Variants in PLEKHG1 observed in about 807,000 individuals in gnomAD.
PLEKHG1 encodes the protein pleckstrin homology and RhoGEF domain containing G1, also known as pleckstrin homology domain-containing family G member 1.
A neutral mutation model predicts 100.8 loss-of-function variants in PLEKHG1; 44 were observed. The ratio of observed to expected loss-of-function variants is 0.44; its 90% CI spans 0.34 to 0.56. The LOEUF (loss-of-function observed/expected upper bound fraction) is 0.56, where lower values mean the gene tolerates loss of function less well. PLEKHG1 is among the 20% of genes least tolerant of loss of function. PLEKHG1 has a pLI of 0.01. For missense variants in PLEKHG1, 1,545 were observed against 1,720.9 expected (o/e 0.90, Z 1.81); for synonymous variants, 640 against 662.5 (o/e 0.97, Z 0.52).
At chr6:150,821,760 C>T (rs1383034194) in intron 13 of PLEKHG1, among the ~76,000 whole-genome samples, 1 of 151,508 alleles carries the variant, frequency 6.6e-6, no homozygotes, top group Non-Finnish European at 1.5e-5. Flanking sequence ...ATTTGACAGG[C>T]ATAAAAAGAT....
rs765440210 is a variant in PLEKHG1, at chr6:150,644,229, T to C, written c.-158+6104T>C. ...TTATAGCCAAAGAATTATATGTGCC[T>C]ATAGCATGCCAGAACCAGAATTTGG... On this transcript the variant is annotated intron_variant, in intron 2 of 3. Transcript: ENST00000367326. 1.8e-4 allele frequency among the ~76,000 whole-genome samples: 27 copies of C among 151,956 alleles called. 1 individual carries two copies. Among genetic ancestry groups the C allele is most frequent in the South Asian group, 8.3e-4 (4 of 4,822 alleles).
At chr6:150,747,794 G>A (rs974853223) in intron 2 of PLEKHG1, among the ~76,000 whole-genome samples, 1 of 152,042 alleles carries the variant, frequency 6.6e-6, no homozygotes, top group Admixed American at 6.5e-5. Flanking sequence ...TACTCGGGAG[G>A]CTGAGGCAGG....
rs746094090 is a variant in PLEKHG1 at position 150,654,210 on chromosome 6, G to A, written c.-99+3424G>A. ...AAGGCACGTCCAGGCACCGGGTGCT[G>A]AGGGCGTCCTGATCTTTGCTGTTCT... On this transcript the variant is annotated intron_variant, in intron 3 of 3. Coordinates refer to the PLEKHG1 transcript ENST00000367326. 6.6e-5 allele frequency among the ~76,000 whole-genome samples: 10 copies of A among 152,348 alleles called. No individual in the cohort carries two copies. In the East Asian group the frequency reaches 1.7e-3, roughly 26 times the overall value.
At chr6:150,612,195 C>T (rs1055264352) in intron 1 of PLEKHG1, among the ~76,000 whole-genome samples, 1 of 152,180 alleles carries the variant, frequency 6.6e-6, no homozygotes, top group Admixed American at 6.5e-5. Context: ...TATTCAAGTC[C>T]CCTTCCCAGC....
At chr6:150,638,819 C>G (rs944301619) in intron 2 of PLEKHG1, among the ~76,000 whole-genome samples, 2 of 152,188 alleles carry the variant, frequency 1.3e-5, no homozygotes, top group African/African-American at 4.8e-5. Flanking sequence ...TTAGAATTCT[C>G]TTTATATAGC....
chr6:150,610,311 A>T (rs996399131), intron 1 of PLEKHG1, among the ~76,000 whole-genome samples: 2 of 152,224 alleles, frequency 1.3e-5, no homozygotes, highest in African/African-American at 4.8e-5. Context: ...CATATTGGCC[A>T]GGCTGGTCCC....
At chr6:150,815,679 C>T (rs1453702830) in intron 10 of PLEKHG1, among the ~76,000 whole-genome samples, 1 of 152,166 alleles carries the variant, frequency 6.6e-6, no homozygotes, top group Non-Finnish European at 1.5e-5. Flanking sequence ...TGTTGAGGCT[C>T]CCCCAAGCCC....
intron 3 of PLEKHG1, among the ~76,000 whole-genome samples, chr6:150,783,654 GC>G (rs1785451662): frequency 6.6e-6 from 1 of 152,154 alleles, no homozygotes; most frequent in South Asian, 2.1e-4. Context: ...ATAGGCATGA[GC>G]CACCACATCC....
At chr6:150,695,186 T>C (rs980986921) in intron 3 of PLEKHG1, among the ~76,000 whole-genome samples, 3 of 152,238 alleles carry the variant, frequency 2.0e-5, no homozygotes, top group African/African-American at 7.2e-5. Flanking sequence ...ATATTTGTCC[T>C]ACTTAAACCT....
intron 2 of PLEKHG1, among the ~76,000 whole-genome samples, chr6:150,643,260 G>A (rs1194439189): frequency 6.6e-6 from 1 of 152,170 alleles, no homozygotes; most frequent in African/African-American, 2.4e-5. Context: ...ATTTGGTGTT[G>A]AGTTCTTGCT....
intron 3 of PLEKHG1, among the ~76,000 whole-genome samples, chr6:150,779,344 G>GTTTTTTTT: frequency 9.6e-6 from 1 of 104,534 alleles, no homozygotes; most frequent in Non-Finnish European, 1.8e-5. Context: ...TTGTCAAGAA[G>GTTTTTTTT]TTTTTTTTTT....
intron 12 of PLEKHG1, among the ~76,000 whole-genome samples, chr6:150,820,946 T>TG (rs1776259917): frequency 6.6e-6 from 1 of 152,158 alleles, no homozygotes; most frequent in South Asian, 2.1e-4. Context: ...CTGACAGGAC[T>TG]GAAAAAGTCA....
chr6:150,742,697 T>G (rs1468891675), intron 2 of PLEKHG1, among the ~76,000 whole-genome samples: 1 of 148,800 alleles, frequency 6.7e-6, no homozygotes, highest in Non-Finnish European at 1.5e-5. Context: ...AGGCCCCACC[T>G]CCAACACGGG....
intron 1 of PLEKHG1, among the ~76,000 whole-genome samples, chr6:150,616,729 A>T (rs189011421): frequency 1.3e-5 from 2 of 152,352 alleles, no homozygotes; most frequent in East Asian, 3.9e-4. Context: ...TTGGGTTATC[A>T]ATCTTTCATG....
rs1182927325 is a variant in PLEKHG1, at chr6:150,600,026, C to T, written c.-204+9C>T. On this transcript the variant is annotated intron_variant, in intron 1 of 3. Transcript: ENST00000367326. This position sits in a 1 kb window ranked among gnomAD's most constrained non-coding sequence, Gnocchi z 6.2. The stretch of plus-strand genomic sequence containing the variant: ...AAGCCGTCCCTCCCCGGGTAAGCGC[C>T]GGTCGGGCCCGGACGCCCTGGGGAC... 2.2e-5 allele frequency: 5 copies of T among 230,584 alleles called. No individual in the cohort carries two copies. The highest frequency in any genetic ancestry group is 3.7e-5 in the Non-Finnish European group (4 of 107,460). The allele number at this position is 230,584 out of a possible 1,614,324, so 14.3% of individuals were successfully genotyped here. A position where few individuals can be genotyped will look rare whatever the true frequency, so the allele number is the denominator to read the frequency against.
chr6:150,608,456 G>T (rs755184435), intron 1 of PLEKHG1, among the ~76,000 whole-genome samples: 11 of 152,262 alleles, frequency 7.2e-5, no homozygotes, highest in Non-Finnish European at 1.6e-4. Flanking sequence ...TCTTCTTACA[G>T]AAATAAAGAA....
At chr6:150,620,223 C>T (rs546468426) in intron 1 of PLEKHG1, among the ~76,000 whole-genome samples, 4 of 152,122 alleles carry the variant, frequency 2.6e-5, no homozygotes, top group African/African-American at 9.7e-5. Flanking sequence ...ACAACAATTT[C>T]GGTTTGATTG....
At chr6:150,730,072 T>C (rs1236470847) in intron 1 of PLEKHG1, among the ~76,000 whole-genome samples, 1 of 152,116 alleles carries the variant, frequency 6.6e-6, no homozygotes, top group Non-Finnish European at 1.5e-5. Flanking sequence ...AAATAATGTG[T>C]CTCTCTGTTG....
intron 2 of PLEKHG1, among the ~76,000 whole-genome samples, chr6:150,762,629 A>G (rs973078071): frequency 6.6e-5 from 10 of 151,958 alleles, no homozygotes; most frequent in Non-Finnish European, 1.5e-4. Flanking sequence ...TGGGGTCTAG[A>G]CTGTATGGAC....
Sources: gnomAD v4.1 joint callset for allele counts (sites outside exome capture counted in the v4.1 genomes callset) on GRCh38, gnomAD v4.1.1 for gene constraint, Gnocchi (gnomAD v3.1) non-coding constraint, MANE v1.5 for transcripts, NCBI Gene and HGNC (gene_info 2026-07-23, HGNC 2026-07-21) for gene names.